TGFB1I1: variants seen among roughly 807,000 people sequenced by gnomAD.
The protein encoded by TGFB1I1 is transforming growth factor beta 1 induced transcript 1.
In TGFB1I1, 33 loss-of-function variants were observed where a neutral mutation model predicts 52.0. That is an observed-to-expected ratio of 0.63 (90% CI 0.48 to 0.85). The LOEUF (loss-of-function observed/expected upper bound fraction) is 0.85. Among genes scored for constraint, TGFB1I1 ranks in the 40% least tolerant of loss-of-function variants. The probability of loss-of-function intolerance (pLI) is 0.00; values close to 1 mark genes in which losing one functional copy is unlikely to be tolerated. For missense variants in TGFB1I1, 577 were observed against 614.9 expected (o/e 0.94, Z 0.65); for synonymous variants, 236 against 253.3 (o/e 0.93, Z 0.65).
chr16:31,477,184 C>T lies in TGFB1I1; in HGVS notation c.1120-126C>T. 1 of 1,451,932 alleles carries T rather than the reference C, an allele frequency of 6.9e-7. No individual in the cohort carries two copies. The allele number at this position is 1,451,932 out of a possible 1,614,324, so 89.9% of individuals were successfully genotyped here. The stretch of plus-strand genomic sequence containing the variant: ...GGGGCGAGTTTTCCGGGCAGGGTCC[C>T]ACCGGACGGGATTCTTCGCGTCTAG... On this transcript the variant is annotated intron_variant, in intron 10 of 10. Transcript: ENST00000394863. This position sits in a 1 kb window ranked among gnomAD's most constrained non-coding sequence, Gnocchi z 4.7.
chr16:31,473,408 C>G (rs778923876), intron 1 of TGFB1I1, 33 bp from the exon 2 acceptor site: 5 of 1,596,934 alleles, frequency 3.1e-6, no homozygotes, highest in Non-Finnish European at 4.3e-6. Flanking sequence ...AACCGTGACC[C>G]TTGTCTCTCT....
At chr16:31,472,843 G>A (rs2082399024) in intron 1 of TGFB1I1, 1 of 152,516 alleles carries the variant, frequency 6.6e-6, no homozygotes, top group Non-Finnish European at 1.5e-5. Flanking sequence ...CAGGTATCTC[G>A]TCCTCCCTGC....
Position 31,473,333 on chromosome 16 carries a change from C to T in TGFB1I1, c.14-108C>T. 2.0e-6 allele frequency: 3 copies of T among 1,469,578 alleles called. No homozygotes were observed. The South Asian group carries it at 4.0e-5, about 20-fold the overall frequency. The allele number at this position is 1,469,578 out of a possible 1,614,324, so 91.0% of individuals were successfully genotyped here. A position where few individuals can be genotyped will look rare whatever the true frequency, so the allele number is the denominator to read the frequency against. ...CTGCCTGGCTCTGGCCCTGTGACCTCTTCTCTTAATACTGGCTTCTGTCCT... is the reference window on the plus strand; with the variant it reads ...CTGCCTGGCTCTGGCCCTGTGACCTTTTCTCTTAATACTGGCTTCTGTCCT... On this transcript the variant is annotated intron_variant, in intron 1 of 10. Transcript: ENST00000394863.
chr16:31,476,292 C>G lies in TGFB1I1; in HGVS notation c.888+107C>G. On this transcript the variant is annotated intron_variant, in intron 8 of 10. Coordinates refer to ENST00000394863, the MANE Select transcript of TGFB1I1 (RefSeq NM_001042454.3). This position sits in a 1 kb window ranked among gnomAD's most constrained non-coding sequence, Gnocchi z 7.6. ...CCCACCCGCGATACCCCACTCCACC[C>G]CTACCCCTTCCCCTTGGCAATGTCC... 1 of 1,460,278 alleles carries G rather than the reference C, an allele frequency of 6.8e-7. No homozygotes were observed. The highest frequency in any genetic ancestry group is 9.2e-7 in the Non-Finnish European group (1 of 1,082,126). 90.5% of individuals were successfully genotyped at this position (1,460,278 alleles called of 1,614,324 possible). A position where few individuals can be genotyped will look rare whatever the true frequency, so the allele number is the denominator to read the frequency against.
At chr16:31,475,856 A>T in intron 7 of TGFB1I1, 156 bp from the exon 8 acceptor site, 1 of 773,878 alleles carries the variant, frequency 1.3e-6, no homozygotes, top group African/African-American at 1.7e-5. Context: ...GGAACACGGG[A>T]GCTAGATCTC....
At position 31,476,112 on chromosome 16, in the gene TGFB1I1, C is replaced by T; in HGVS notation, c.815C>T (p.Ala272Val). The T allele has an allele frequency of 1.2e-6, 2 of 1,613,830 alleles. No homozygotes were observed. Among genetic ancestry groups the T allele is most frequent in the South Asian group, 2.2e-5 (2 of 91,086 alleles). The change falls in exon 8 of 11, where the codon GCC becomes GTC. Residue 272 changes from alanine (A) to valine (V), a missense_variant. By Grantham distance (64) the Ala-to-Val change is moderately conservative (BLOSUM62 0). Transcript: ENST00000394863. This position sits in a 1 kb window ranked among gnomAD's most constrained non-coding sequence, Gnocchi z 7.6. ...GGSSFFEKDG[A>V]PFCPECYFER... ...AGCAGCTTCTTCGAGAAGGATGGAGCCCCCTTCTGCCCCGAGTGCTACTTT... is the reference window on the plus strand; with the variant it reads ...AGCAGCTTCTTCGAGAAGGATGGAGTCCCCTTCTGCCCCGAGTGCTACTTT...
chr16:31,474,055 C>T lies in TGFB1I1; in HGVS notation c.325+78C>T. On this transcript the variant is annotated intron_variant, in intron 4 of 10. Transcript: ENST00000394863. This position sits in a 1 kb window ranked among gnomAD's most constrained non-coding sequence, Gnocchi z 4.2. The stretch of plus-strand genomic sequence containing the variant: ...GGTGGGGCAGAGACTAAGAGGAATA[C>T]ACTTCCCAGAGTAGCAGTTAAAGGG... The T allele has an allele frequency of 1.9e-6, 3 of 1,610,764 alleles. No homozygotes were observed. Among genetic ancestry groups the T allele is most frequent in the South Asian group, 2.2e-5 (2 of 90,778 alleles).
At position 31,477,327 on chromosome 16, in the gene TGFB1I1, C is replaced by G; in HGVS notation, c.1137C>G (p.Phe379Leu). 6.2e-7 allele frequency: 1 copy of G among 1,609,842 alleles called. No homozygotes were observed. The highest frequency in any genetic ancestry group is 2.2e-5 in the East Asian group (1 of 44,760). ...TTCCCCAGGAATGCTTCGCGCCCTTCTCGGGAGGCAGCTTTTTCGAGCACG... is the reference window on the plus strand; with the variant it reads ...TTCCCCAGGAATGCTTCGCGCCCTTGTCGGGAGGCAGCTTTTTCGAGCACG... Reference protein sequence around the residue: ...CFVCRECFAPFSGGSFFEHEG... With the variant: ...CFVCRECFAPLSGGSFFEHEG... Residue 379 changes from phenylalanine (F) to leucine (L), a missense_variant, in exon 11 of 11, where the codon TTC becomes TTG. Phe to Leu is a conservative substitution (Grantham distance 22). Around this residue, in one of 3 missense-constraint regions of TGFB1I1, gnomAD observed 456 missense variants for 461.6 expected, o/e 0.99. Coordinates refer to ENST00000394863, the MANE Select transcript of TGFB1I1 (RefSeq NM_001042454.3). The surrounding 1 kb of genome is among the most constrained non-coding windows in gnomAD (Gnocchi z 4.7).
At chr16:31,472,505 G>A (rs1483663937) in intron 1 of TGFB1I1, 3 of 350,566 alleles carry the variant, frequency 8.6e-6, no homozygotes, top group Non-Finnish European at 1.5e-5. Flanking sequence ...GGGTTAAAGG[G>A]GCCTCGGCCC....
Position 31,475,991 on chromosome 16 carries a change from CG to C in TGFB1I1, c.715-20del. 6.2e-7 allele frequency: 1 copy of C among 1,605,514 alleles called. No homozygotes were observed. Among genetic ancestry groups the C allele is most frequent in the Non-Finnish European group, 8.5e-7 (1 of 1,177,250 alleles). On this transcript the variant is annotated intron_variant, in intron 7 of 10. Coordinates refer to ENST00000394863, the MANE Select transcript of TGFB1I1 (RefSeq NM_001042454.3). ...TGTGGTTGTCAGAGCCGCTCTGACC[CG>C]CCTCACCTCCCACTCGCAGGTGGTG... is the stretch of plus-strand genomic sequence containing the variant.
In TGFB1I1 at chr16:31,476,695, C is replaced by A; in HGVS notation, c.970+133C>A. 7.0e-7 allele frequency: 1 copy of A among 1,437,792 alleles called. No homozygotes were observed. The highest frequency in any genetic ancestry group is 9.4e-7 in the Non-Finnish European group (1 of 1,058,726). 89.1% of individuals were successfully genotyped at this position (1,437,792 alleles called of 1,614,324 possible). A position where few individuals can be genotyped will look rare whatever the true frequency, so the allele number is the denominator to read the frequency against. The stretch of plus-strand genomic sequence containing the variant: ...TCTTCTGGCCCTGCCCTCTCCTACA[C>A]AGACTCCGGACCCGAGCCCTCCCCG... On this transcript the variant is annotated intron_variant, in intron 9 of 10. Transcript: ENST00000394863. The surrounding 1 kb of genome is among the most constrained non-coding windows in gnomAD (Gnocchi z 7.6).
At position 31,476,821 on chromosome 16, in the gene TGFB1I1, C is replaced by A. The variant is rs990880044; in HGVS notation, c.971-41C>A. ...AGGTCTTGTGGGTCCCCCGTCCCGC[C>A]CGCACCCTTTGCTTTCAGCCCACTC... On this transcript the variant is annotated intron_variant, in intron 9 of 10. Transcript: ENST00000394863. The surrounding 1 kb of genome is among the most constrained non-coding windows in gnomAD (Gnocchi z 7.6). 1.2e-6 allele frequency: 2 copies of A among 1,610,238 alleles called. No homozygotes were observed. Among genetic ancestry groups the A allele is most frequent in the Non-Finnish European group, 1.7e-6 (2 of 1,179,396 alleles).
In TGFB1I1 at chr16:31,472,457, G is replaced by C. The variant is rs944390706; in HGVS notation, c.13+256G>C. ...CGGCAGATGGAACGGGAGGTGCGGC[G>C]CCCGCGGGCGCCCGGGCGCGGGGCT... is the stretch of plus-strand genomic sequence containing the variant. On this transcript the variant is annotated intron_variant, in intron 1 of 10. Coordinates refer to ENST00000394863, the MANE Select transcript of TGFB1I1 (RefSeq NM_001042454.3). 6.9e-6 allele frequency: 4 copies of C among 578,644 alleles called. No homozygotes were observed. In the East Asian group the frequency reaches 1.5e-4, roughly 22 times the overall value. 35.8% of individuals were successfully genotyped at this position (578,644 alleles called of 1,614,324 possible).
rs2082410753 is a variant in TGFB1I1 at position 31,474,470 on chromosome 16, G to A, written c.519+15G>A. ...TTCAAAACCATGTGAGTTGGGCAGTGGGCCAGTGTCCATTTGTGGCTCCCC... is the reference window on the plus strand; with the variant it reads ...TTCAAAACCATGTGAGTTGGGCAGTAGGCCAGTGTCCATTTGTGGCTCCCC... On this transcript the variant is annotated intron_variant, in intron 6 of 10. Transcript: ENST00000394863. The surrounding 1 kb of genome is among the most constrained non-coding windows in gnomAD (Gnocchi z 4.2). 6.2e-7 allele frequency: 1 copy of A among 1,613,924 alleles called. No individual in the cohort carries two copies. The highest frequency in any genetic ancestry group is 1.3e-5 in the African/African-American group (1 of 74,936).
At position 31,476,142 on chromosome 16, in the gene TGFB1I1, G is replaced by C. The variant is rs774230775; in HGVS notation, c.845G>C (p.Arg282Pro). ...APFCPECYFE[R>P]FSPRCGFCNQ... The stretch of plus-strand genomic sequence containing the variant: ...TTCTGCCCCGAGTGCTACTTTGAGC[G>C]CTTCTCGCCAAGATGTGGCTTCTGC... Residue 282 changes from arginine to proline, a missense_variant, in exon 8 of 11, where the codon CGC (arginine) becomes CCC (proline). Physicochemically the swap from Arg to Pro is moderately radical, Grantham distance 103. This residue lies in a region of TGFB1I1 where 456 missense variants were observed against 461.6 expected (regional missense o/e 0.99). Coordinates refer to ENST00000394863, the MANE Select transcript of TGFB1I1 (RefSeq NM_001042454.3). This position sits in a 1 kb window ranked among gnomAD's most constrained non-coding sequence, Gnocchi z 7.6. 6.2e-7 allele frequency: 1 copy of C among 1,613,646 alleles called. No homozygotes were observed. The highest frequency in any genetic ancestry group is 8.5e-7 in the Non-Finnish European group (1 of 1,179,952).
chr16:31,477,248 C>A lies in TGFB1I1; in HGVS notation c.1120-62C>A. 1 of 1,549,564 alleles carries A rather than the reference C, an allele frequency of 6.5e-7. No individual in the cohort carries two copies. The highest frequency in any genetic ancestry group is 8.7e-7 in the Non-Finnish European group (1 of 1,143,486). The stretch of plus-strand genomic sequence containing the variant: ...GTCCCAGGGCGTTATCCGCTAGTAA[C>A]GCGCGTTGTCTGGCAGTGGCCGCTG... On this transcript the variant is annotated intron_variant, in intron 10 of 10. Transcript: ENST00000394863. The surrounding 1 kb of genome is among the most constrained non-coding windows in gnomAD (Gnocchi z 4.7).
rs1251393318 is a variant in TGFB1I1 at position 31,477,471 on chromosome 16, C to T, written c.1281C>T (p.Asp427=). Residue 427 remains aspartate, a synonymous_variant, in exon 11 of 11, where the codon GAC becomes GAT. Transcript: ENST00000394863. The surrounding 1 kb of genome is among the most constrained non-coding windows in gnomAD (Gnocchi z 4.7). Reference sequence around the variant, plus strand: ...CCCTGGGTCGCCGCTTCCACCCGGACCACTTCACATGCACCTTCTGCCTGC... The same window carrying T: ...CCCTGGGTCGCCGCTTCCACCCGGATCACTTCACATGCACCTTCTGCCTGC... The part of the protein sequence containing the change: ...VSALGRRFHP[D]HFTCTFCLRP... The T allele has an allele frequency of 6.2e-6, 10 of 1,603,758 alleles. No homozygotes were observed. The highest frequency in any genetic ancestry group is 7.7e-6 in the Non-Finnish European group (9 of 1,175,712).
Position 31,477,100 on chromosome 16 carries a change from G to A in TGFB1I1, c.1119+90G>A. ...TTGGAGGGGCGGGTCAAGGGTGCAG[G>A]GCAGGGGGCGGGCCCTCGGGGGGGC... On this transcript the variant is annotated intron_variant, in intron 10 of 10. Coordinates refer to ENST00000394863, the MANE Select transcript of TGFB1I1 (RefSeq NM_001042454.3). This position sits in a 1 kb window ranked among gnomAD's most constrained non-coding sequence, Gnocchi z 4.7. 7.1e-7 allele frequency: 1 copy of A among 1,399,960 alleles called. No homozygotes were observed. Among genetic ancestry groups the A allele is most frequent in the Non-Finnish European group, 9.5e-7 (1 of 1,054,482 alleles). The allele number at this position is 1,399,960 out of a possible 1,614,324, so 86.7% of individuals were successfully genotyped here.
At position 31,477,380 on chromosome 16, in the gene TGFB1I1, T is replaced by C. The variant is rs1214183636; in HGVS notation, c.1190T>C (p.Phe397Ser). Residue 397 changes from phenylalanine (F) to serine (S), a missense_variant, in exon 11 of 11, where the codon TTC (phenylalanine) becomes TCC (serine). Phe to Ser is a radical substitution (Grantham distance 155). Coordinates refer to ENST00000394863, the MANE Select transcript of TGFB1I1 (RefSeq NM_001042454.3). This position sits in a 1 kb window ranked among gnomAD's most constrained non-coding sequence, Gnocchi z 4.7. ...GGCCGCCCGTTGTGCGAGAACCACT[T>C]CCACGCACGACGCGGCTCGCTGTGC... is the stretch of plus-strand genomic sequence containing the variant. The part of the protein sequence containing the change: ...HEGRPLCENH[F>S]HARRGSLCAT... 6.2e-7 allele frequency: 1 copy of C among 1,612,002 alleles called. No individual in the cohort carries two copies. Among genetic ancestry groups the C allele is most frequent in the South Asian group, 1.1e-5 (1 of 90,890 alleles).
Sources: allele counts gnomAD v4.1 joint callset, GRCh38; gene constraint gnomAD v4.1.1; regional missense constraint gnomAD v4.1.1; non-coding constraint Gnocchi (gnomAD v3.1); transcripts MANE v1.5; gene names NCBI Gene and HGNC (gene_info 2026-07-23, HGNC 2026-07-21).